The following DSP variants were observed in gnomAD, a reference collection of about 807,000 sequenced individuals.
DSP encodes desmoplakin, also known as 250/210 kDa paraneoplastic pemphigus antigen.
Under a neutral mutation model 290.6 loss-of-function variants are expected in DSP, and 114 were observed. The ratio of observed to expected loss-of-function variants is 0.39; its 90% CI spans 0.34 to 0.46. The LOEUF is 0.46. Among genes scored for constraint, DSP ranks in the 20% least tolerant of loss-of-function variants. The probability of loss-of-function intolerance (pLI) is 0.99; values close to 1 mark genes in which losing one functional copy is unlikely to be tolerated. For missense variants in DSP, 3,230 were observed against 3,495.8 expected (o/e 0.92, Z 1.92); for synonymous variants, 1,311 against 1,316.4 (o/e 1.00, Z 0.09).
At chr6:7,567,488 C>G in intron 9 of DSP, 39 bp downstream of exon 9, 1 of 1,472,912 alleles carries the variant, frequency 6.8e-7, no homozygotes, top group Non-Finnish European at 9.5e-7. Context: ...TTATTTAGGT[C>G]TTAATACCTA....
intron 15 of DSP, among the ~76,000 whole-genome samples, chr6:7,573,019 A>G (rs1759103584): frequency 6.6e-6 from 1 of 152,092 alleles, no homozygotes. Context: ...AATCCCAGCT[A>G]CTTGCTTGAG....
Position 7,581,207 on chromosome 6 carries a change from G to A in DSP, c.5017G>A (p.Glu1673Lys). The A allele has an allele frequency of 6.2e-7, 1 of 1,614,190 alleles. No individual in the cohort carries two copies. Among genetic ancestry groups the A allele is most frequent in the Admixed American group, 1.7e-5 (1 of 60,028 alleles). The change falls in exon 23 of 24, where the codon GAA (glutamate) becomes AAA (lysine). Residue 1673 changes from glutamate to lysine, a missense_variant. Coordinates refer to ENST00000379802, the MANE Select transcript of DSP (RefSeq NM_004415.4). Reference protein sequence around the residue: ...ALRRQLLQEQESVKQAHLRNE... With the variant: ...ALRRQLLQEQKSVKQAHLRNE... ...GAGGCGGCAGTTACTCCAGGAACAG[G>A]AAAGTGTCAAACAAGCTCACTTGAG...
At position 7,580,177 on chromosome 6, in the gene DSP, A is replaced by G. The variant is rs1256541218; in HGVS notation, c.3987A>G (p.Arg1329=). The G allele has an allele frequency of 6.2e-7, 1 of 1,613,954 alleles. No homozygotes were observed. The highest frequency in any genetic ancestry group is 8.5e-7 in the Non-Finnish European group (1 of 1,180,010). ...AGGACAAAAATAAGGAGATCGAGAG[A>G]CTCAAAGCTGAGTTTCAGGAGGAGG... The part of the protein sequence containing the change: ...TIQDKNKEIE[R]LKAEFQEEAK... The change falls in exon 23 of 24, where the codon AGA becomes AGG. Residue 1329 remains arginine, a synonymous_variant. Transcript: ENST00000379802. The surrounding 1 kb of genome is among the most constrained non-coding windows in gnomAD (Gnocchi z 4.2).
chr6:7,551,169 T>C lies in DSP; in HGVS notation c.171-4549T>C, dbSNP rs540902482. ...GAATGAGTTTGGTCATTTCCTAAAA[T>C]TGAGTTACAGAATGAATGAGGTGAA... On this transcript the variant is annotated intron_variant, in intron 1 of 23. Transcript: ENST00000379802. 6.6e-5 allele frequency among the ~76,000 whole-genome samples: 10 copies of C among 152,278 alleles called. No homozygotes were observed. The South Asian group carries it at 1.9e-3, about 28-fold the overall frequency.
rs1759664023 is a variant in DSP at position 7,586,070 on chromosome 6, A to G, written c.*192A>G. 3.2e-6 allele frequency: 2 copies of G among 632,446 alleles called. No individual in the cohort carries two copies. Among genetic ancestry groups the G allele is most frequent in the South Asian group, 3.9e-5 (2 of 50,830 alleles). The allele number at this position is 632,446 out of a possible 1,614,324, so 39.2% of individuals were successfully genotyped here. A position where few individuals can be genotyped will look rare whatever the true frequency, so the allele number is the denominator to read the frequency against. On this transcript the variant is annotated 3_prime_UTR_variant, in exon 24 of 24. Coordinates refer to ENST00000379802, the MANE Select transcript of DSP (RefSeq NM_004415.4). ...TTTTTATCTTCTTAGCTCATCTTAA[A>G]TAAGCAGTACACTTGGATGCAGTGC...
rs1367543062 is a variant in DSP at position 7,565,252 on chromosome 6, G to A, written c.778-107G>A. ...CACAAGGTTAACATTTTTCCTATCCGTGTGATTTTTTTTTTAAAGGGACCA... is the reference window on the plus strand; with the variant it reads ...CACAAGGTTAACATTTTTCCTATCCATGTGATTTTTTTTTTAAAGGGACCA... On this transcript the variant is annotated intron_variant, in intron 6 of 23. Coordinates refer to ENST00000379802, the MANE Select transcript of DSP (RefSeq NM_004415.4). The surrounding 1 kb of genome is among the most constrained non-coding windows in gnomAD (Gnocchi z 4.2). 1.9e-5 allele frequency: 26 copies of A among 1,365,568 alleles called. No homozygotes were observed. The East Asian group carries it at 2.8e-4, about 14-fold the overall frequency. 84.6% of individuals were successfully genotyped at this position (1,365,568 alleles called of 1,614,324 possible). A position where few individuals can be genotyped will look rare whatever the true frequency, so the allele number is the denominator to read the frequency against.
chr6:7,577,807 C>T lies in DSP; in HGVS notation c.2906C>T (p.Thr969Ile), dbSNP rs1265482489. 6 of 1,614,022 alleles carry T rather than the reference C, an allele frequency of 3.7e-6. No homozygotes were observed. The highest frequency in any genetic ancestry group is 4.5e-5 in the East Asian group (2 of 44,898). Reference protein sequence around the residue: ...KDYELQLASYTSGLETLLNIP... With the variant: ...KDYELQLASYISGLETLLNIP... ...TATGAGCTCCAGCTGGCCTCATACA[C>T]CTCAGGACTGGAAACTCTGCTGAAC... is the stretch of plus-strand genomic sequence containing the variant. Residue 969 changes from threonine (T) to isoleucine (I), a missense_variant, in exon 21 of 24, where the codon ACC becomes ATC. Coordinates refer to ENST00000379802, the MANE Select transcript of DSP (RefSeq NM_004415.4).
rs116615192 is a variant in DSP, at chr6:7,565,169, C to T, written c.778-190C>T. Among the ~76,000 whole-genome samples, 357 of 152,170 alleles carry T rather than the reference C, an allele frequency of 2.3e-3. 1 individual carries two copies. The highest frequency in any genetic ancestry group is 8.4e-3 in the African/African-American group (347 of 41,530). On this transcript the variant is annotated intron_variant, in intron 6 of 23. Transcript: ENST00000379802. This position sits in a 1 kb window ranked among gnomAD's most constrained non-coding sequence, Gnocchi z 4.2. ...GTCTCAAAAAAAAAAAAGTTGCTGC[C>T]TTCTTGTTCATTGCAGATTTGGATG... is the stretch of plus-strand genomic sequence containing the variant.
chr6:7,574,684 G>C lies in DSP; in HGVS notation c.2325G>C (p.Gln775His), dbSNP rs1759178828. The change falls in exon 17 of 24, where the codon CAG (glutamine) becomes CAC (histidine). Residue 775 changes from glutamine (Q) to histidine (H), a missense_variant. Around this residue, in one of 5 missense-constraint regions of DSP, gnomAD observed 1,714 missense variants for 1,844.5 expected, o/e 0.93. Coordinates refer to ENST00000379802, the MANE Select transcript of DSP (RefSeq NM_004415.4). ...TATGCACAGTAAGGGCACTGCTCCA[G>C]GCTATTCTCCAAACAGAAGACATGT... is the stretch of plus-strand genomic sequence containing the variant. ...NSLCTVRALL[Q>H]AILQTEDMLK... 1 of 1,613,966 alleles carries C rather than the reference G, an allele frequency of 6.2e-7. No homozygotes were observed. The highest frequency in any genetic ancestry group is 8.5e-7 in the Non-Finnish European group (1 of 1,179,996).
chr6:7,542,694 G>C (rs1050324555), intron 1 of DSP, among the ~76,000 whole-genome samples: 3 of 152,132 alleles, frequency 2.0e-5, no homozygotes, highest in African/African-American at 7.2e-5. Context: ...GGCTTCCCCT[G>C]TCCGGGAAAC....
rs1398155170 is a variant in DSP, at chr6:7,576,286, C to T, written c.2631-8C>T. 4 of 1,611,850 alleles carry T rather than the reference C, an allele frequency of 2.5e-6. No individual in the cohort carries two copies. Among genetic ancestry groups the T allele is most frequent in the East Asian group, 4.5e-5 (2 of 44,846 alleles). On this transcript the variant is annotated splice_polypyrimidine_tract_variant and splice_region_variant and intron_variant, in intron 18 of 23. Transcript: ENST00000379802. Reference sequence around the variant, plus strand: ...GATAATGATTTTATTGTATCTATTTCCCCCCAGGTTATGGGACCTGGAGAA... The same window carrying T: ...GATAATGATTTTATTGTATCTATTTTCCCCCAGGTTATGGGACCTGGAGAA...
At chr6:7,574,919 A>C (rs1759188570) in intron 17 of DSP, 124 bp downstream of exon 17, 1 of 1,294,828 alleles carries the variant, frequency 7.7e-7, no homozygotes. Flanking sequence ...GTGGCCACAC[A>C]GGTTGACATC....
intron 15 of DSP, among the ~76,000 whole-genome samples, chr6:7,573,710 A>C (rs1327796368): frequency 6.6e-6 from 1 of 152,182 alleles, no homozygotes; most frequent in East Asian, 1.9e-4. Context: ...TTCTAAGAAA[A>C]AAGTTGAATG....
At chr6:7,562,861 T>C in intron 5 of DSP, 81 bp downstream of exon 5, 2 of 1,586,176 alleles carry the variant, frequency 1.3e-6, no homozygotes, top group South Asian at 1.1e-5. Flanking sequence ...GGGAGTTTCT[T>C]CTGAAACATT....
In DSP at chr6:7,585,107, A is replaced by G; in HGVS notation, c.7845A>G (p.Glu2615=). 6.2e-7 allele frequency: 1 copy of G among 1,614,190 alleles called. No homozygotes were observed. Among genetic ancestry groups the G allele is most frequent in the Non-Finnish European group, 8.5e-7 (1 of 1,180,032 alleles). The part of the protein sequence containing the change: ...RSSSFSDTLE[E]SSPIAAIFDT... ...GCTCTTTTTCAGACACCCTGGAAGA[A>G]TCGAGCCCCATTGCAGCCATCTTTG... The change falls in exon 24 of 24, where the codon GAA becomes GAG. Residue 2615 remains glutamate (E), a synonymous_variant. Transcript: ENST00000379802.
chr6:7,569,412 T>C (rs764301136), intron 12 of DSP, 72 bp downstream of exon 12: 2 of 1,607,852 alleles, frequency 1.2e-6, no homozygotes, highest in Non-Finnish European at 1.7e-6. Flanking sequence ...GGCAGGTGTT[T>C]ATACCTGAAG....
chr6:7,569,275 G>A lies in DSP; in HGVS notation c.1509G>A (p.Met503Ile). 1.2e-6 allele frequency: 2 copies of A among 1,614,180 alleles called. No individual in the cohort carries two copies. The highest frequency in any genetic ancestry group is 8.5e-7 in the Non-Finnish European group (1 of 1,180,034). Residue 503 changes from methionine (M) to isoleucine (I), a missense_variant, in exon 12 of 24, where the codon ATG becomes ATA. Around this residue, in one of 5 missense-constraint regions of DSP, gnomAD observed 646 missense variants for 684.3 expected, o/e 0.94. Transcript: ENST00000379802. ...WYVTGPGGVD[M>I]LVPSVGLIIP... ...TGACGGGCCCGGGAGGCGTTGACATGCTTGTTCCCTCTGTGGGGCTGATCA... is the reference window on the plus strand; with the variant it reads ...TGACGGGCCCGGGAGGCGTTGACATACTTGTTCCCTCTGTGGGGCTGATCA...
At chr6:7,543,139 G>A (rs949213238) in intron 1 of DSP, among the ~76,000 whole-genome samples, 1 of 152,152 alleles carries the variant, frequency 6.6e-6, no homozygotes, top group Non-Finnish European at 1.5e-5. Context: ...TGAGCCGTGC[G>A]CGTTTTGCAG....
rs1230405329 is a variant in DSP at position 7,542,036 on chromosome 6, T to C, written c.121T>C (p.Tyr41His). Residue 41 changes from tyrosine to histidine, a missense_variant, in exon 1 of 24, where the codon TAC becomes CAC. By Grantham distance (83) the Tyr-to-His change is moderately conservative (BLOSUM62 2). This residue lies in a region of DSP where 646 missense variants were observed against 684.3 expected (regional missense o/e 0.94). Coordinates refer to ENST00000379802, the MANE Select transcript of DSP (RefSeq NM_004415.4). ...CGGCGGCGGGGGCACCAGCAGGATG[T>C]ACTATTCTCGGCGCGGCGTGATCAC... ...TSGGGGTSRM[Y>H]YSRRGVITDQ... is the part of the protein sequence containing the mutation. The C allele has an allele frequency of 6.3e-7, 1 of 1,578,882 alleles. No homozygotes were observed. Among genetic ancestry groups the C allele is most frequent in the South Asian group, 1.2e-5 (1 of 86,414 alleles).
Sources: allele counts gnomAD v4.1 joint callset (sites outside exome capture counted in the v4.1 genomes callset), GRCh38; gene constraint gnomAD v4.1.1; regional missense constraint gnomAD v4.1.1; non-coding constraint Gnocchi (gnomAD v3.1); transcripts MANE v1.5; gene names NCBI Gene and HGNC (gene_info 2026-07-23, HGNC 2026-07-21).